PPP1R1C: variants seen among roughly 807,000 people sequenced by gnomAD.
The protein encoded by PPP1R1C is protein phosphatase 1 regulatory subunit 1C.
A neutral mutation model predicts 17.4 loss-of-function variants in PPP1R1C; 15 were observed. The observed-to-expected ratio is 0.86, with a 90% CI of 0.58 to 1.33. PPP1R1C has a LOEUF of 1.33. Among genes scored for constraint, PPP1R1C ranks in the 40% most tolerant of loss-of-function variants. PPP1R1C has a pLI of 0.00. For synonymous variants in PPP1R1C, 35 were observed against 43.1 expected (o/e 0.81, Z 0.73); for missense variants, 143 against 130.0 (o/e 1.10, Z -0.48).
At chr2:181,982,841 C>T (rs1273345749), upstream of PPP1R1C, among the ~76,000 whole-genome samples, 4 of 152,080 alleles carry the variant, frequency 2.6e-5, no homozygotes, top group African/African-American at 9.7e-5. Context: ...AATGTTTTTC[C>T]ATCTTTACTC....
At chr2:181,994,822 G>A (rs1018179968) in intron 2 of PPP1R1C, among the ~76,000 whole-genome samples, 1 of 151,976 alleles carries the variant, frequency 6.6e-6, no homozygotes, top group Admixed American at 6.5e-5. Flanking sequence ...GCTAATTCTG[G>A]CCAAGGCATA....
chr2:182,018,521 A>G (rs1012760780), intron 2 of PPP1R1C, among the ~76,000 whole-genome samples: 3 of 152,204 alleles, frequency 2.0e-5, no homozygotes, highest in African/African-American at 7.2e-5. Flanking sequence ...TAAAGTTTAG[A>G]TTGTTCAGGC....
intron 2 of PPP1R1C, among the ~76,000 whole-genome samples, chr2:182,024,680 C>A (rs1686537915): frequency 6.6e-6 from 1 of 151,918 alleles, no homozygotes; most frequent in African/African-American, 2.4e-5. Flanking sequence ...CACGGTGAAA[C>A]CTTGTTTCTA....
chr2:181,985,104 A>G (rs1206098847), upstream of PPP1R1C, among the ~76,000 whole-genome samples: 1 of 152,210 alleles, frequency 6.6e-6, no homozygotes. The surrounding 1 kb of genome is among the most constrained non-coding windows in gnomAD (Gnocchi z 4.1). Flanking sequence ...AATGTTTTCC[A>G]GTCATATTCT....
At chr2:181,965,650 G>T (rs182706728) in intron 1 of PPP1R1C, among the ~76,000 whole-genome samples, 126 of 152,206 alleles carry the variant, frequency 8.3e-4, no homozygotes, top group African/African-American at 3.0e-3. Flanking sequence ...TGGTTCCATT[G>T]GTCTGTGTCT....
At chr2:182,073,328 C>G (rs1688194572) in intron 4 of PPP1R1C, among the ~76,000 whole-genome samples, 1 of 152,234 alleles carries the variant, frequency 6.6e-6, no homozygotes, top group African/African-American at 2.4e-5. Flanking sequence ...TTTTAGAAGA[C>G]TCCTAGTCAA....
At chr2:182,022,863 T>C (rs1322327990) in intron 2 of PPP1R1C, among the ~76,000 whole-genome samples, 1 of 152,162 alleles carries the variant, frequency 6.6e-6, no homozygotes, top group Admixed American at 6.5e-5. Flanking sequence ...TGAAGAAATA[T>C]CAGAGCCAAG....
intron 4 of PPP1R1C, among the ~76,000 whole-genome samples, chr2:182,107,020 A>G (rs893668671): frequency 7.2e-5 from 11 of 152,154 alleles, no homozygotes; most frequent in African/African-American, 2.4e-4. Context: ...TAACTTGAGG[A>G]ACTGTTAAGA....
At chr2:182,100,271 G>A (rs1197803631) in intron 4 of PPP1R1C, among the ~76,000 whole-genome samples, 1 of 152,080 alleles carries the variant, frequency 6.6e-6, no homozygotes, top group Non-Finnish European at 1.5e-5. Context: ...CGGCACTTTG[G>A]GAGGCTGAGG....
chr2:182,031,944 C>T (rs1343508742), intron 2 of PPP1R1C, among the ~76,000 whole-genome samples: 1 of 152,184 alleles, frequency 6.6e-6, no homozygotes, highest in East Asian at 1.9e-4. Context: ...ATAGCCCAAT[C>T]TTAAACTCGG....
intron 2 of PPP1R1C, among the ~76,000 whole-genome samples, chr2:182,042,053 A>G (rs985124129): frequency 6.6e-6 from 1 of 152,104 alleles, no homozygotes; most frequent in Non-Finnish European, 1.5e-5. Flanking sequence ...TCTTCCACTT[A>G]TCTGTCAGTA....
At chr2:182,080,246 A>T (rs6747009) in intron 4 of PPP1R1C, among the ~76,000 whole-genome samples, 87,743 of 152,048 alleles carry the variant, frequency 0.58, 25,699 homozygotes, top group Non-Finnish European at 0.62. Context: ...ATCCCCCAAT[A>T]GTCTGCTCTA....
chr2:182,114,494 C>A (rs894730088), intron 4 of PPP1R1C, among the ~76,000 whole-genome samples: 2 of 152,130 alleles, frequency 1.3e-5, no homozygotes, highest in African/African-American at 4.8e-5. Context: ...TAGTCCTCAG[C>A]AGGCTTCTCA....
In PPP1R1C at chr2:181,961,624, G is replaced by T; in HGVS notation, n.111+6990G>T. The T allele has an allele frequency of 1.3e-6, 1 of 742,432 alleles. No homozygotes were observed. Among genetic ancestry groups the T allele is most frequent in the African/African-American group, 1.7e-5 (1 of 58,850 alleles). The allele number at this position is 742,432 out of a possible 1,614,324, so 46.0% of individuals were successfully genotyped here. A position where few individuals can be genotyped will look rare whatever the true frequency, so the allele number is the denominator to read the frequency against. On this transcript the variant is annotated intron_variant and non_coding_transcript_variant, in intron 1 of 5. Transcript: ENST00000464264. This position sits in a 1 kb window ranked among gnomAD's most constrained non-coding sequence, Gnocchi z 5.8. ...CATCTCAGCATCTCCAACCTTGGTGGACTGCGTAGTGACCACTGTGGTGCT... is the reference window on the plus strand; with the variant it reads ...CATCTCAGCATCTCCAACCTTGGTGTACTGCGTAGTGACCACTGTGGTGCT...
intron 2 of PPP1R1C, among the ~76,000 whole-genome samples, chr2:182,033,015 T>C (rs1686892555): frequency 6.6e-6 from 1 of 152,174 alleles, no homozygotes. Flanking sequence ...TACCCCCAAA[T>C]TCACTCCACT....
At chr2:181,973,206 A>C (rs1393946541) in intron 1 of PPP1R1C, among the ~76,000 whole-genome samples, 2 of 152,172 alleles carry the variant, frequency 1.3e-5, no homozygotes, top group Non-Finnish European at 2.9e-5. Flanking sequence ...AAATGCTCTC[A>C]GTCAATATAG....
chr2:182,085,920 G>A (rs1280017024), intron 4 of PPP1R1C, among the ~76,000 whole-genome samples: 1 of 151,958 alleles, frequency 6.6e-6, no homozygotes, highest in East Asian at 1.9e-4. Context: ...AAATCCATAA[G>A]AAAACCCCTA....
intron 4 of PPP1R1C, among the ~76,000 whole-genome samples, chr2:182,096,087 C>T (rs1385781584): frequency 1.3e-5 from 2 of 151,786 alleles, no homozygotes; most frequent in African/African-American, 4.8e-5. Context: ...TGAAGTTTTA[C>T]AAGCCTTCAG....
chr2:182,057,480 C>A (rs949700856), intron 2 of PPP1R1C, among the ~76,000 whole-genome samples: 11 of 152,090 alleles, frequency 7.2e-5, no homozygotes, highest in Non-Finnish European at 1.3e-4. Flanking sequence ...ACAGAAGCAG[C>A]AAGCTGGGGG....
Sources: gnomAD v4.1 joint callset for allele counts (sites outside exome capture counted in the v4.1 genomes callset) on GRCh38, gnomAD v4.1.1 for gene constraint, Gnocchi (gnomAD v3.1) non-coding constraint, MANE v1.5 for transcripts, NCBI Gene and HGNC (gene_info 2026-07-23, HGNC 2026-07-21) for gene names.